The following EXOC6B variants were observed in gnomAD, a reference collection of about 807,000 sequenced individuals.
EXOC6B encodes exocyst complex component 6B.
EXOC6B carries 54 observed loss-of-function variants against 113.5 expected under a neutral mutation model. That is an observed-to-expected ratio of 0.48 (90% CI 0.38 to 0.60). EXOC6B has a LOEUF of 0.60. EXOC6B is among the 20% of genes least tolerant of loss of function. The probability of loss-of-function intolerance (pLI) is 0.00; values close to 1 mark genes in which losing one functional copy is unlikely to be tolerated. For missense variants in EXOC6B, 797 were observed against 977.5 expected, an observed-to-expected ratio of 0.82 and a Z score of 2.46; for synonymous variants, 357 against 339.0, an observed-to-expected ratio of 1.05 and a Z score of -0.58.
At chr2:72,413,126 G>GT (rs952098106) in intron 18 of EXOC6B, among the ~76,000 whole-genome samples, 14 of 151,358 alleles carry the variant, frequency 9.2e-5, no homozygotes, top group African/African-American at 1.9e-4. Context: ...GCCCGGCGAA[G>GT]TTTTTTTTGT....
At chr2:72,683,708 C>G (rs1400584178) in intron 6 of EXOC6B, among the ~76,000 whole-genome samples, 3 of 152,046 alleles carry the variant, frequency 2.0e-5, no homozygotes, top group Non-Finnish European at 4.4e-5. Flanking sequence ...AAGATGTTTT[C>G]AAATGTGGGG....
At chr2:72,284,925 G>T (rs1252757941) in intron 20 of EXOC6B, among the ~76,000 whole-genome samples, 2 of 151,684 alleles carry the variant, frequency 1.3e-5, no homozygotes, top group African/African-American at 4.8e-5. Flanking sequence ...AACAAAATAT[G>T]TCATCAAGAT....
chr2:72,718,118 C>T lies in EXOC6B; in HGVS notation c.654G>A (p.Glu218=). ...SIRKHSDKIG[E]TAMKQAQQQR... Reference sequence around the variant, plus strand: ...CAAGACCTACTTGCTTCATGGCAGTCTCTCCAATTTTGTCTGAATGTTTGC... The same window carrying T: ...CAAGACCTACTTGCTTCATGGCAGTTTCTCCAATTTTGTCTGAATGTTTGC... The change falls in exon 6 of 22, where the codon GAG becomes GAA. Residue 218 remains glutamate, a synonymous_variant. Transcript: ENST00000272427. 1 of 1,609,938 alleles carries T rather than the reference C, an allele frequency of 6.2e-7. No homozygotes were observed. Among genetic ancestry groups the T allele is most frequent in the Non-Finnish European group, 8.5e-7 (1 of 1,177,762 alleles).
intron 18 of EXOC6B, among the ~76,000 whole-genome samples, chr2:72,426,642 G>A (rs533581609): frequency 2.0e-5 from 3 of 152,130 alleles, no homozygotes; most frequent in African/African-American, 7.2e-5. Context: ...AGTACAAAGC[G>A]ATCCTCTGTC....
At chr2:72,572,659 A>G (rs1478867223) in intron 7 of EXOC6B, among the ~76,000 whole-genome samples, 1 of 152,230 alleles carries the variant, frequency 6.6e-6, no homozygotes, top group Non-Finnish European at 1.5e-5. Context: ...GGTCTGTTGA[A>G]GAATGACAAG....
chr2:72,730,952 C>A, intron 5 of EXOC6B, 55 bp downstream of exon 5: 1 of 1,313,166 alleles, frequency 7.6e-7, no homozygotes, highest in South Asian at 1.5e-5. Flanking sequence ...TAAACGTATT[C>A]TAAACAACAG....
chr2:72,286,469 G>C (rs1685425415), intron 20 of EXOC6B, among the ~76,000 whole-genome samples: 3 of 152,146 alleles, frequency 2.0e-5, no homozygotes, highest in Admixed American at 2.0e-4. Flanking sequence ...ACAAGAAAAA[G>C]ATCAGTGGCT....
chr2:72,735,243 G>T (rs754764964), intron 2 of EXOC6B, among the ~76,000 whole-genome samples: 4 of 151,858 alleles, frequency 2.6e-5, no homozygotes, highest in Non-Finnish European at 4.4e-5. Context: ...CCTTATGAAG[G>T]CACCATTTCT....
chr2:72,501,588 T>C (rs1324506931), intron 11 of EXOC6B, among the ~76,000 whole-genome samples: 1 of 152,042 alleles, frequency 6.6e-6, no homozygotes, highest in Non-Finnish European at 1.5e-5. Flanking sequence ...CTTTTCGATA[T>C]GCTTTTTAAA....
At chr2:72,379,681 T>C (rs1217446864) in intron 19 of EXOC6B, 48 bp downstream of exon 19, 1 of 1,545,582 alleles carries the variant, frequency 6.5e-7, no homozygotes, top group Non-Finnish European at 8.8e-7. Flanking sequence ...CTGACAGAAA[T>C]GAGTTTGCTG....
chr2:72,415,499 A>C (rs1330743645), intron 18 of EXOC6B, among the ~76,000 whole-genome samples: 1 of 152,162 alleles, frequency 6.6e-6, no homozygotes. Context: ...AAATGTATGA[A>C]AGTCATTCCA....
chr2:72,737,465 G>A (rs1681039369), intron 2 of EXOC6B, among the ~76,000 whole-genome samples: 2 of 152,156 alleles, frequency 1.3e-5, no homozygotes, highest in South Asian at 4.1e-4. Context: ...CTCTTGAATA[G>A]TGTCTATGAG....
chr2:72,371,183 G>A (rs1336666321), intron 19 of EXOC6B, among the ~76,000 whole-genome samples: 4 of 151,858 alleles, frequency 2.6e-5, no homozygotes, highest in Admixed American at 6.6e-5. Context: ...TCAATAACAA[G>A]TAACAAGATT....
At chr2:72,793,520 A>G (rs1315887929) in intron 1 of EXOC6B, among the ~76,000 whole-genome samples, 1 of 152,226 alleles carries the variant, frequency 6.6e-6, no homozygotes, top group African/African-American at 2.4e-5. Context: ...AATAAATTCT[A>G]TAATGGAGAT....
chr2:72,654,364 G>A (rs1254257677), intron 6 of EXOC6B, among the ~76,000 whole-genome samples: 1 of 152,168 alleles, frequency 6.6e-6, no homozygotes, highest in Non-Finnish European at 1.5e-5. Context: ...ATTCCCAAAA[G>A]GTGTATATAT....
chr2:72,609,835 T>C (rs956897303), intron 6 of EXOC6B, among the ~76,000 whole-genome samples: 1 of 152,228 alleles, frequency 6.6e-6, no homozygotes, highest in Middle Eastern at 3.4e-3. Flanking sequence ...TAGTCAACTC[T>C]GTGCAAGTAA....
chr2:72,287,551 G>A (rs999203088), intron 20 of EXOC6B, among the ~76,000 whole-genome samples: 6 of 151,630 alleles, frequency 4.0e-5, no homozygotes, highest in South Asian at 2.1e-4. Context: ...ATAAACCTCC[G>A]TCAATAATGT....
At chr2:72,628,159 C>G (rs964234476) in intron 6 of EXOC6B, among the ~76,000 whole-genome samples, 69 of 151,966 alleles carry the variant, frequency 4.5e-4, no homozygotes, top group African/African-American at 1.6e-3. Context: ...GGATCTTGCT[C>G]TGTCCCCCAG....
At chr2:72,664,461 A>C (rs1206111090) in intron 6 of EXOC6B, among the ~76,000 whole-genome samples, 2 of 152,148 alleles carry the variant, frequency 1.3e-5, no homozygotes, top group Non-Finnish European at 2.9e-5. Context: ...CTGGGATCCC[A>C]GGTACAAGAG....
Sources: gnomAD v4.1 joint callset for allele counts (sites outside exome capture counted in the v4.1 genomes callset) on GRCh38, gnomAD v4.1.1 for gene constraint, MANE v1.5 for transcripts, NCBI Gene and HGNC (gene_info 2026-07-23, HGNC 2026-07-21) for gene names.